TMEM45B: variants seen among roughly 807,000 people sequenced by gnomAD.
The protein encoded by TMEM45B is transmembrane protein 45B.
TMEM45B carries 29 observed loss-of-function variants against 27.3 expected under a neutral mutation model. That is an observed-to-expected ratio of 1.06 (90% CI 0.79 to 1.45). The LOEUF (loss-of-function observed/expected upper bound fraction) is 1.45, where lower values mean the gene tolerates loss of function less well. Among genes scored for constraint, TMEM45B ranks in the 40% most tolerant of loss-of-function variants. TMEM45B has a pLI of 0.00. For synonymous variants in TMEM45B, 143 were observed against 134.7 expected (o/e 1.06, Z -0.43); for missense variants, 348 against 343.9 (o/e 1.01, Z -0.09).
chr11:129,854,882 T>C, intron 3 of TMEM45B, 66 bp downstream of exon 3: 1 of 1,556,240 alleles, frequency 6.4e-7, no homozygotes, highest in Non-Finnish European at 8.8e-7. Context: ...AGGATCAGAG[T>C]ACAAAATATC....
chr11:129,845,272 TG>T (rs1428982839), intron 1 of TMEM45B, among the ~76,000 whole-genome samples: 4 of 11,468 alleles, frequency 3.5e-4, no homozygotes, highest in Non-Finnish European at 1.1e-3. Flanking sequence ...TGTGTGTGTA[TG>T]TGTGTGTGTG....
intron 1 of TMEM45B, among the ~76,000 whole-genome samples, chr11:129,851,882 T>C (rs1947851116): frequency 6.6e-6 from 1 of 152,212 alleles, no homozygotes; most frequent in Admixed American, 6.5e-5. Context: ...CAAAACTTTA[T>C]AAAATTATTT....
intron 5 of TMEM45B, among the ~76,000 whole-genome samples, 191 bp downstream of exon 5, chr11:129,857,649 C>T (rs1947949892): frequency 6.6e-6 from 1 of 152,120 alleles, no homozygotes; most frequent in African/African-American, 2.4e-5. Flanking sequence ...GACCTGAGGG[C>T]TTTTCAAAGT....
At chr11:129,829,926 C>T (rs982445874) in intron 1 of TMEM45B, among the ~76,000 whole-genome samples, 2 of 152,138 alleles carry the variant, frequency 1.3e-5, no homozygotes, top group Non-Finnish European at 2.9e-5. Flanking sequence ...CAAGACAATT[C>T]AATAGGGAAA....
At chr11:129,846,019 A>G (rs1947756196) in intron 1 of TMEM45B, among the ~76,000 whole-genome samples, 1 of 152,254 alleles carries the variant, frequency 6.6e-6, no homozygotes, top group African/African-American at 2.4e-5. Flanking sequence ...CTCTAGGAAT[A>G]AAACAGAAAT....
chr11:129,841,155 C>A (rs1432966501), intron 1 of TMEM45B, among the ~76,000 whole-genome samples: 1 of 151,978 alleles, frequency 6.6e-6, no homozygotes, highest in Non-Finnish European at 1.5e-5. Flanking sequence ...CTCCCATCAC[C>A]CCCCAGCTCA....
chr11:129,835,951 C>T (rs919811896), intron 1 of TMEM45B, among the ~76,000 whole-genome samples: 7 of 152,220 alleles, frequency 4.6e-5, no homozygotes, highest in African/African-American at 1.7e-4. Context: ...AATCCCGTCT[C>T]TACTAAAAAT....
chr11:129,837,471 G>C (rs1947634831), intron 1 of TMEM45B, among the ~76,000 whole-genome samples: 1 of 151,094 alleles, frequency 6.6e-6, no homozygotes, highest in Non-Finnish European at 1.5e-5. Context: ...TTTTTAGTAA[G>C]AGACAGGGTT....
chr11:129,830,793 TAAC>T (rs1448002559), intron 1 of TMEM45B, among the ~76,000 whole-genome samples: 1 of 152,282 alleles, frequency 6.6e-6, no homozygotes, highest in East Asian at 1.9e-4. Context: ...AAAAAAGACA[TAAC>T]AAGTGTTGGC....
chr11:129,834,417 C>T (rs1276547042), intron 1 of TMEM45B, among the ~76,000 whole-genome samples: 3 of 136,050 alleles, frequency 2.2e-5, no homozygotes, highest in Admixed American at 7.8e-5. Context: ...GGCAATAGAG[C>T]GAGACTCAGT....
intron 5 of TMEM45B, among the ~76,000 whole-genome samples, chr11:129,857,895 C>T (rs1388679781): frequency 6.6e-6 from 1 of 152,216 alleles, no homozygotes; most frequent in Non-Finnish European, 1.5e-5. Flanking sequence ...CCACCCCTCA[C>T]TGAAGGCTCC....
At chr11:129,817,260 T>TCAGTATAAC (rs1947364306) in intron 1 of TMEM45B, among the ~76,000 whole-genome samples, 1 of 152,148 alleles carries the variant, frequency 6.6e-6, no homozygotes, top group Non-Finnish European at 1.5e-5. Flanking sequence ...TGTAATATCT[T>TCAGTATAAC]CAGTATAACC....
intron 1 of TMEM45B, among the ~76,000 whole-genome samples, chr11:129,847,568 G>C (rs1947779661): frequency 6.6e-6 from 1 of 150,944 alleles, no homozygotes; most frequent in Non-Finnish European, 1.5e-5. Flanking sequence ...GGGTACTTGA[G>C]ATTAGGGAGT....
At chr11:129,853,982 A>G (rs951779111) in intron 2 of TMEM45B, among the ~76,000 whole-genome samples, 2 of 152,090 alleles carry the variant, frequency 1.3e-5, no homozygotes, top group Non-Finnish European at 2.9e-5. Context: ...CAGTTTCGTC[A>G]TTTTCTGGCC....
intron 1 of TMEM45B, among the ~76,000 whole-genome samples, chr11:129,832,574 T>C (rs1383796984): frequency 6.9e-6 from 1 of 144,402 alleles, no homozygotes; most frequent in African/African-American, 2.5e-5. Context: ...GACCATCAAT[T>C]TGTATGGGAT....
At chr11:129,848,010 A>G (rs1242006931) in intron 1 of TMEM45B, among the ~76,000 whole-genome samples, 16 of 150,288 alleles carry the variant, frequency 1.1e-4, no homozygotes, top group South Asian at 6.4e-4. Context: ...GCGGCCGGGC[A>G]GAGACGCTCC....
At position 129,858,602 on chromosome 11, in the gene TMEM45B, A is replaced by G. The variant is rs1264255376; in HGVS notation, c.745A>G (p.Arg249Gly). ...CLLTRMKRHG[R>G]GEIIGIQKLN... is the part of the protein sequence containing the mutation. ...TTTGACTCGGATGAAGAGACACGGA[A>G]GGGGAGAAATCATTGGAATTCAGAA... The change falls in exon 6 of 6, where the codon AGG (arginine) becomes GGG (glycine). Residue 249 changes from arginine to glycine, a missense_variant. Coordinates refer to ENST00000281441, the MANE Select transcript of TMEM45B (RefSeq NM_138788.5). 6.3e-7 allele frequency: 1 copy of G among 1,588,752 alleles called. No homozygotes were observed. Among genetic ancestry groups the G allele is most frequent in the Admixed American group, 1.8e-5 (1 of 56,132 alleles).
At chr11:129,817,233 C>A (rs1467404416) in intron 1 of TMEM45B, among the ~76,000 whole-genome samples, 1 of 152,078 alleles carries the variant, frequency 6.6e-6, no homozygotes, top group African/African-American at 2.4e-5. Context: ...GAGACGTGTA[C>A]TGTTTTTAAC....
chr11:129,853,907 T>A lies in TMEM45B; in HGVS notation c.179-703T>A, dbSNP rs543217333. 1.5e-3 allele frequency among the ~76,000 whole-genome samples: 231 copies of A among 152,318 alleles called. 1 individual carries two copies. Among genetic ancestry groups the A allele is most frequent in the African/African-American group, 4.9e-3 (202 of 41,572 alleles). ...TTTGGGTACCAGGCATAAAGACAAATCTTTTGCCTTCCAAATTAGCTGATA... is the reference window on the plus strand; with the variant it reads ...TTTGGGTACCAGGCATAAAGACAAAACTTTTGCCTTCCAAATTAGCTGATA... On this transcript the variant is annotated intron_variant, in intron 2 of 5. Transcript: ENST00000281441.
Sources: allele counts gnomAD v4.1 joint callset (sites outside exome capture counted in the v4.1 genomes callset), GRCh38; gene constraint gnomAD v4.1.1; transcripts MANE v1.5; gene names NCBI Gene and HGNC (gene_info 2026-07-23, HGNC 2026-07-21).